Variants in S100A8 observed in about 807,000 individuals in gnomAD.
S100A8 encodes the protein S100 calcium binding protein A8, also known as protein S100-A8.
In S100A8, 1 loss-of-function variant was observed where a neutral mutation model predicts 4.2. The ratio of observed to expected loss-of-function variants is 0.24; its 90% CI spans 0.08 to 1.12. S100A8 has a LOEUF of 1.12. Ranked by LOEUF, S100A8 falls within the 50% of genes most tolerant of loss-of-function variation. The pLI is 0.53. For synonymous variants in S100A8, 41 were observed against 44.7 expected (o/e 0.92, Z 0.33); for missense variants, 96 against 111.8 (o/e 0.86, Z 0.64).
chr1:153,394,339 G>A (rs2101611649), upstream of S100A8, among the ~76,000 whole-genome samples: 1 of 152,298 alleles, frequency 6.6e-6, no homozygotes, highest in African/African-American at 2.4e-5. Flanking sequence ...GCACTTCTCA[G>A]GTGAGACAGG....
chr1:153,415,172 TTG>T, the S100A8 span, among the ~76,000 whole-genome samples: 745 of 150,912 alleles, frequency 4.9e-3, 3 homozygotes, highest in African/African-American at 0.017. Context: ...GTGTGTGTGT[TTG>T]TGTGTGTGTG....
chr1:153,402,948 G>A, the S100A8 span, among the ~76,000 whole-genome samples: 1 of 151,710 alleles, frequency 6.6e-6, no homozygotes, highest in Non-Finnish European at 1.5e-5. Context: ...ATAGAGGTCT[G>A]AGAAAAAGAC....
the S100A8 span, chr1:153,418,367 T>C: frequency 8.9e-6 from 10 of 1,118,166 alleles, no homozygotes; most frequent in African/African-American, 1.6e-5. Context: ...GCTTGGATCA[T>C]ATGTGAATCT....
At chr1:153,391,941 AGAG>A (rs1247307971), upstream of S100A8, among the ~76,000 whole-genome samples, 7 of 152,168 alleles carry the variant, frequency 4.6e-5, no homozygotes, top group African/African-American at 1.7e-4. Flanking sequence ...TTCATGCCTA[AGAG>A]GAGAAGAGGA....
the S100A8 span, among the ~76,000 whole-genome samples, chr1:153,415,135 T>C: frequency 6.6e-6 from 1 of 152,006 alleles, no homozygotes; most frequent in African/African-American, 2.4e-5. Flanking sequence ...GTAGTATTCG[T>C]CTGTGTGTGT....
At chr1:153,399,346 C>G in the S100A8 span, among the ~76,000 whole-genome samples, 1 of 152,214 alleles carries the variant, frequency 6.6e-6, no homozygotes, top group Non-Finnish European at 1.5e-5. Flanking sequence ...CAACCAGTTT[C>G]AGGGGCCCAC....
the S100A8 span, among the ~76,000 whole-genome samples, chr1:153,414,103 A>G: frequency 6.6e-6 from 1 of 152,056 alleles, no homozygotes; most frequent in Admixed American, 6.6e-5. Context: ...CAGTGATGAT[A>G]TGTAACTCAA....
chr1:153,419,338 C>T, the S100A8 span: 4 of 1,599,070 alleles, frequency 2.5e-6, no homozygotes, highest in Non-Finnish European at 3.4e-6. Flanking sequence ...CCTCCAGAGA[C>T]CCCAGGAACA....
chr1:153,390,124 A>T lies in S100A8; in HGVS notation c.261T>A (p.His87Gln). 6.2e-7 allele frequency: 1 copy of T among 1,613,824 alleles called. No individual in the cohort carries two copies. Residue 87 changes from histidine to glutamine, a missense_variant, in exon 3 of 3, where the codon CAT becomes CAA. Coordinates refer to ENST00000368733, the MANE Select transcript of S100A8 (RefSeq NM_002964.5). ...KMGVAAHKKSHEESHKE is the reference protein window; with the variant it reads ...KMGVAAHKKSQEESHKE Reference sequence around the variant, plus strand: ...TCAGCTACTCTTTGTGGCTTTCTTCATGGCTTTTTTTGTGGGCTGCCACGC... The same window carrying T: ...TCAGCTACTCTTTGTGGCTTTCTTCTTGGCTTTTTTTGTGGGCTGCCACGC...
chr1:153,402,605 A>C, the S100A8 span, among the ~76,000 whole-genome samples: 3 of 152,186 alleles, frequency 2.0e-5, no homozygotes, highest in Non-Finnish European at 4.4e-5. Context: ...TTTGGACTTT[A>C]AGCAGGATGG....
the S100A8 span, among the ~76,000 whole-genome samples, chr1:153,401,170 G>A: frequency 3.8e-4 from 58 of 152,174 alleles, no homozygotes; most frequent in Non-Finnish European, 6.6e-4. Flanking sequence ...GATTTTTGGC[G>A]AGTACATAGC....
At chr1:153,418,290 G>A in the S100A8 span, 2 of 1,603,118 alleles carry the variant, frequency 1.2e-6, no homozygotes, top group Middle Eastern at 1.7e-4. Flanking sequence ...ATTTTGCTAT[G>A]TGGCCTTGGA....
chr1:153,398,106 G>C, the S100A8 span, among the ~76,000 whole-genome samples: 2 of 152,180 alleles, frequency 1.3e-5, no homozygotes, highest in African/African-American at 4.8e-5. Context: ...CCTTTTCCTG[G>C]ATGGAGTGGC....
At chr1:153,412,003 A>C in the S100A8 span, among the ~76,000 whole-genome samples, 1 of 152,232 alleles carries the variant, frequency 6.6e-6, no homozygotes, top group Non-Finnish European at 1.5e-5. Context: ...TAAAGACTTA[A>C]ATGTTAGACC....
At chr1:153,419,128 T>A in the S100A8 span, 1 of 1,610,010 alleles carries the variant, frequency 6.2e-7, no homozygotes, top group Non-Finnish European at 8.5e-7. Flanking sequence ...CTATTTTGTA[T>A]GTTTTTCTCT....
chr1:153,403,863 T>A, the S100A8 span, among the ~76,000 whole-genome samples: 4 of 152,092 alleles, frequency 2.6e-5, no homozygotes, highest in Admixed American at 2.0e-4. Flanking sequence ...TCCGTTCTGA[T>A]CCTAACTACC....
At chr1:153,410,436 G>T in the S100A8 span, among the ~76,000 whole-genome samples, 1 of 152,092 alleles carries the variant, frequency 6.6e-6, no homozygotes, top group South Asian at 2.1e-4. Context: ...CCCAGAAAAA[G>T]TTGAATTCCT....
the S100A8 span, among the ~76,000 whole-genome samples, chr1:153,411,736 A>T: frequency 1.3e-5 from 2 of 152,246 alleles, no homozygotes; most frequent in Non-Finnish European, 2.9e-5. Context: ...AAACTATACT[A>T]CAAGGCTACA....
chr1:153,416,923 C>G, the S100A8 span, among the ~76,000 whole-genome samples: 2 of 152,262 alleles, frequency 1.3e-5, no homozygotes, highest in Non-Finnish European at 2.9e-5. Flanking sequence ...TCTGCCCCCA[C>G]AGAGGGAGGA....
Sources: allele counts gnomAD v4.1 joint callset (sites outside exome capture counted in the v4.1 genomes callset), GRCh38; gene constraint gnomAD v4.1.1; transcripts MANE v1.5; gene names NCBI Gene and HGNC (gene_info 2026-07-23, HGNC 2026-07-21).